The following USP6NL variants were observed in gnomAD, a reference collection of about 807,000 sequenced individuals.
USP6NL encodes USP6 N-terminal-like protein.
In USP6NL, 26 loss-of-function variants were observed where a neutral mutation model predicts 61.9. The observed-to-expected ratio is 0.42, with a 90% confidence interval of 0.31 to 0.58. The LOEUF (loss-of-function observed/expected upper bound fraction) is 0.58, where lower values mean the gene tolerates loss of function less well. Among genes scored for constraint, USP6NL ranks in the 20% least tolerant of loss-of-function variants. The pLI, the probability that USP6NL is intolerant of heterozygous loss-of-function variation, is 0.16. For synonymous variants in USP6NL, 432 were observed against 390.1 expected, an observed-to-expected ratio of 1.11 and a Z score of -1.27; for missense variants, 1,114 against 1,034.3, an observed-to-expected ratio of 1.08 and a Z score of -1.06.
chr10:11,500,786 T>C (rs1834151229), intron 7 of USP6NL, among the ~76,000 whole-genome samples: 1 of 152,168 alleles, frequency 6.6e-6, no homozygotes, highest in Admixed American at 6.5e-5. Context: ...GCAGCTATAA[T>C]TAGGTGTTAG....
chr10:11,579,960 T>TGGGG (rs78353052), intron 2 of USP6NL, among the ~76,000 whole-genome samples: 125 of 97,908 alleles, frequency 1.3e-3, no homozygotes, highest in East Asian at 7.8e-3. Context: ...CAGTGGAGAG[T>TGGGG]GGCGGGGGGG....
rs1193964388 is a variant in USP6NL, at chr10:11,600,035, AATGTT to A, written c.-83-2323_-83-2319del. 2.6e-5 allele frequency among the ~76,000 whole-genome samples: 4 copies of A among 152,220 alleles called. No homozygotes were observed. In the East Asian group the frequency reaches 7.7e-4, roughly 29 times the overall value. On this transcript the variant is annotated intron_variant, in intron 1 of 14. Transcript: ENST00000609104. The surrounding 1 kb of genome is among the most constrained non-coding windows in gnomAD (Gnocchi z 4.1). ...GGTAGTTGAGCAGCACACAGGAGAA[AATGTT>A]TAGACTCCCTTTCTCCTCCCCTAAA... is the stretch of plus-strand genomic sequence containing the variant.
rs150164648 is a variant in USP6NL, at chr10:11,573,039, CTG to C, written c.4+24590_4+24591del. Among the ~76,000 whole-genome samples the C allele has an allele frequency of 1.1e-3, 167 of 152,016 alleles. 1 individual carries two copies. The highest frequency in any genetic ancestry group is 0.011 in the South Asian group (52 of 4,816). On this transcript the variant is annotated intron_variant, in intron 2 of 14. Transcript: ENST00000609104. ...CTAGACACACGCTATGAATATAAGA[CTG>C]TTTTTAATATAATTAACATTGACTA...
Position 11,463,245 on chromosome 10 carries a change from G to A in USP6NL, c.1683C>T (p.Ser561=), listed in dbSNP as rs1269773156. ...YDNVPGPELD[S]GASVEEALER... ...CCAGCGCCTCCTCCACGGAAGCGCC[G>A]CTGTCCAGCTCCGGGCCTGGCACGT... Residue 561 remains serine (S), a synonymous_variant, in exon 15 of 15, where the codon AGC becomes AGT. Coordinates refer to ENST00000609104, the MANE Select transcript of USP6NL (RefSeq NM_014688.5). The surrounding 1 kb of genome is among the most constrained non-coding windows in gnomAD (Gnocchi z 6.3). 1 of 1,613,502 alleles carries A rather than the reference G, an allele frequency of 6.2e-7. No homozygotes were observed. The highest frequency in any genetic ancestry group is 8.5e-7 in the Non-Finnish European group (1 of 1,179,884).
In USP6NL at chr10:11,598,189, T is replaced by C. The variant is rs553712424; in HGVS notation, c.-83-472A>G. On this transcript the variant is annotated intron_variant, in intron 1 of 14. Transcript: ENST00000609104. The surrounding 1 kb of genome is among the most constrained non-coding windows in gnomAD (Gnocchi z 4.7). ...TCTCTAGCAATGAATATTTTCTTCA[T>C]TATAAAAGTAATATGGGTTCATTGT... Among the ~76,000 whole-genome samples the C allele has an allele frequency of 2.6e-5, 4 of 152,328 alleles. No homozygotes were observed. Among genetic ancestry groups the C allele is most frequent in the African/African-American group, 7.2e-5 (3 of 41,578 alleles).
chr10:11,606,787 A>C (rs1838717704), intron 1 of USP6NL, among the ~76,000 whole-genome samples: 2 of 152,036 alleles, frequency 1.3e-5, no homozygotes, highest in Non-Finnish European at 1.5e-5. Flanking sequence ...CAGATTTTGA[A>C]ATTTTTTCTT....
chr10:11,555,415 T>TAAAAA (rs558901276), intron 2 of USP6NL, among the ~76,000 whole-genome samples: 123 of 26,832 alleles, frequency 4.6e-3, no homozygotes, highest in South Asian at 0.011. Flanking sequence ...AACTCGGTCT[T>TAAAAA]AAAAAAAAAA....
intron 7 of USP6NL, among the ~76,000 whole-genome samples, chr10:11,497,912 C>G (rs777194890): frequency 2.6e-5 from 4 of 151,850 alleles, no homozygotes; most frequent in Non-Finnish European, 5.9e-5. Flanking sequence ...AACCTGAGGG[C>G]AGAAGTACAG....
At chr10:11,580,680 G>C (rs1588408326) in intron 2 of USP6NL, among the ~76,000 whole-genome samples, 1 of 152,132 alleles carries the variant, frequency 6.6e-6, no homozygotes, top group East Asian at 1.9e-4. Context: ...GCACCACAAA[G>C]TTTAAAAGCT....
At chr10:11,610,836 C>G (rs910966641) in intron 1 of USP6NL, among the ~76,000 whole-genome samples, 1 of 152,094 alleles carries the variant, frequency 6.6e-6, no homozygotes, top group Non-Finnish European at 1.5e-5. Flanking sequence ...TGGATTCCTA[C>G]GCGTCCCGCA....
intron 1 of USP6NL, among the ~76,000 whole-genome samples, chr10:11,606,940 C>T (rs897965076): frequency 9.9e-5 from 15 of 152,142 alleles, no homozygotes; most frequent in African/African-American, 3.6e-4. Flanking sequence ...CAAGCGTACG[C>T]CACCATGCCC....
chr10:11,597,838 G>T lies in USP6NL; in HGVS notation c.-83-121C>A. ...TCTACTATTTCCAAAAAGAACTCTT[G>T]TGATCACCTATTAAATATAAAAGAT... is the stretch of plus-strand genomic sequence containing the variant. On this transcript the variant is annotated intron_variant, in intron 1 of 14. Transcript: ENST00000609104. This position sits in a 1 kb window ranked among gnomAD's most constrained non-coding sequence, Gnocchi z 4.6. 1.8e-6 allele frequency: 1 copy of T among 548,286 alleles called. No homozygotes were observed. Among genetic ancestry groups the T allele is most frequent in the Middle Eastern group, 4.3e-4 (1 of 2,344 alleles). The allele number at this position is 548,286 out of a possible 1,614,324, so 34.0% of individuals were successfully genotyped here.
In USP6NL at chr10:11,484,996, A is replaced by G; in HGVS notation, c.900T>C (p.Ser300=). The G allele has an allele frequency of 6.5e-7, 1 of 1,548,746 alleles. No homozygotes were observed. The highest frequency in any genetic ancestry group is 8.7e-7 in the Non-Finnish European group (1 of 1,146,122). Residue 300 remains serine (S), a synonymous_variant, in exon 13 of 15, where the codon TCT becomes TCC. Coordinates refer to ENST00000609104, the MANE Select transcript of USP6NL (RefSeq NM_014688.5). ...FEGERVLTAM[S]YTILKLHKKH... is the part of the protein sequence containing the mutation. ...TTTTGTGTAATTTTAAGATGGTGTA[A>G]GACATAGCAGTAAGAACTCGTTCTC... is the stretch of plus-strand genomic sequence containing the variant.
chr10:11,555,105 T>G (rs868827917), intron 2 of USP6NL, among the ~76,000 whole-genome samples: 10,585 of 118,044 alleles, frequency 0.09, 518 homozygotes, highest in Non-Finnish European at 0.13. Flanking sequence ...TTTTTTTTTT[T>G]TTGGTTTTTT....
At chr10:11,529,737 T>G (rs907100383) in intron 2 of USP6NL, among the ~76,000 whole-genome samples, 1 of 152,182 alleles carries the variant, frequency 6.6e-6, no homozygotes, top group Non-Finnish European at 1.5e-5. Flanking sequence ...CTTACAAGCC[T>G]TTGTCAGTTC....
chr10:11,552,215 C>G (rs960450054), intron 2 of USP6NL, among the ~76,000 whole-genome samples: 16 of 152,042 alleles, frequency 1.1e-4, no homozygotes, highest in African/African-American at 3.6e-4. Flanking sequence ...GTGAGACTTA[C>G]CATAATAATT....
chr10:11,544,462 T>A (rs975802593), intron 2 of USP6NL, among the ~76,000 whole-genome samples: 2 of 152,150 alleles, frequency 1.3e-5, no homozygotes, highest in African/African-American at 4.8e-5. Context: ...TAGAATGCAT[T>A]TATAACAGTA....
chr10:11,607,214 A>T (rs1179635320), intron 1 of USP6NL, among the ~76,000 whole-genome samples: 1 of 152,194 alleles, frequency 6.6e-6, no homozygotes, highest in Non-Finnish European at 1.5e-5. Flanking sequence ...AACTTTTATA[A>T]ATTTTAGCCT....
At chr10:11,508,710 C>T (rs1335981819) in intron 6 of USP6NL, among the ~76,000 whole-genome samples, 2 of 152,194 alleles carry the variant, frequency 1.3e-5, no homozygotes, top group East Asian at 1.9e-4. Flanking sequence ...GAAGTGCATA[C>T]GGAGCTCTGT....
Sources: gnomAD v4.1 joint callset for allele counts (sites outside exome capture counted in the v4.1 genomes callset) on GRCh38, gnomAD v4.1.1 for gene constraint, Gnocchi (gnomAD v3.1) non-coding constraint, MANE v1.5 for transcripts, NCBI Gene and HGNC (gene_info 2026-07-23, HGNC 2026-07-21) for gene names.